Variants in NFASC observed in about 807,000 individuals in gnomAD.
NFASC encodes the protein neurofascin homolog.
Under a neutral mutation model 147.5 loss-of-function variants are expected in NFASC, and 43 were observed. That is an observed-to-expected ratio of 0.29 (90% confidence interval 0.23 to 0.38). The LOEUF (loss-of-function observed/expected upper bound fraction) is 0.38. NFASC is among the 10% of genes least tolerant of loss of function. The pLI is 1.00. For missense variants in NFASC, 1,320 were observed against 1,689.0 expected, an observed-to-expected ratio of 0.78 and a Z score of 3.83; for synonymous variants, 622 against 665.5, an observed-to-expected ratio of 0.93 and a Z score of 1.01.
At chr1:204,853,847 A>G (rs747257694) in intron 1 of NFASC, among the ~76,000 whole-genome samples, 1 of 152,164 alleles carries the variant, frequency 6.6e-6, no homozygotes. Flanking sequence ...GGGGCCAGCT[A>G]GGCACACCCC....
chr1:204,911,095 A>G (rs1156729042), intron 1 of NFASC, among the ~76,000 whole-genome samples: 1 of 152,208 alleles, frequency 6.6e-6, no homozygotes, highest in East Asian at 1.9e-4. Context: ...TTAAAAAATC[A>G]CACTGAAGAA....
chr1:204,912,740 T>A (rs2087928903), intron 1 of NFASC, among the ~76,000 whole-genome samples: 2 of 150,882 alleles, frequency 1.3e-5, no homozygotes, highest in African/African-American at 2.4e-5. Flanking sequence ...AATTGTGGTC[T>A]AGGCACAAAG....
intron 1 of NFASC, among the ~76,000 whole-genome samples, chr1:204,915,255 T>C (rs1010040250): frequency 6.6e-6 from 1 of 152,124 alleles, no homozygotes; most frequent in Non-Finnish European, 1.5e-5. Flanking sequence ...CACTCCAGCC[T>C]GGACAACAGA....
chr1:204,946,407 G>A (rs2093740927), intron 3 of NFASC: 1 of 465,668 alleles, frequency 2.1e-6, no homozygotes. Context: ...TGATGGAGAG[G>A]GAAGTCCTTC....
At chr1:205,000,881 T>G in intron 25 of NFASC, 1 of 481,612 alleles carries the variant, frequency 2.1e-6, no homozygotes, top group Non-Finnish European at 3.8e-6. Flanking sequence ...GCTACCTATG[T>G]GGACACAGTC....
Position 204,991,357 on chromosome 1 carries a change from G to A in NFASC, c.2782+51G>A, listed in dbSNP as rs906066169. ...GGGCATGGCATGGGGCAGCGCAGGC[G>A]GAGCCCAGCCCAGCCAGGGCGGACA... On this transcript the variant is annotated intron_variant, in intron 24 of 29. Coordinates refer to ENST00000339876, the MANE Select transcript of NFASC (RefSeq NM_001005388.3). The A allele has an allele frequency of 2.0e-5, 32 of 1,596,494 alleles. No homozygotes were observed. In the East Asian group the frequency reaches 3.6e-4, roughly 18 times the overall value.
intron 28 of NFASC, 185 bp from the exon 29 acceptor site, chr1:205,012,612 G>A (rs1229262942): frequency 1.3e-5 from 8 of 619,396 alleles, no homozygotes; most frequent in Non-Finnish European, 2.3e-5. Context: ...AGGAGGCAGA[G>A]TCAACTTGGC....
intron 1 of NFASC, among the ~76,000 whole-genome samples, chr1:204,831,918 A>G (rs1349525946): frequency 1.3e-5 from 2 of 152,192 alleles, no homozygotes; most frequent in Non-Finnish European, 2.9e-5. Context: ...GATAAGCTTG[A>G]GCAAGAGCAT....
chr1:205,009,774 A>G, intron 28 of NFASC, 86 bp downstream of exon 28: 2 of 1,416,314 alleles, frequency 1.4e-6, no homozygotes, highest in South Asian at 2.5e-5. Flanking sequence ...GATCCGGGGA[A>G]TGTGTTCTCT....
rs190388030 is a variant in NFASC at position 204,968,301 on chromosome 1, G to A, written c.759G>A (p.Ala253=). 84 of 1,614,164 alleles carry A rather than the reference G, an allele frequency of 5.2e-5. No homozygotes were observed. In the African/African-American group the frequency reaches 6.1e-4, roughly 12 times the overall value. ...TPSFMYPQGT[A]SSQMVLRGMD... is the part of the protein sequence containing the mutation. ...GCTTCATGTATCCCCAGGGCACCGC[G>A]AGCAGCCAGATGGTGCTTCGTGGCA... Residue 253 remains alanine (A), a synonymous_variant, in exon 9 of 30, where the codon GCG becomes GCA. Transcript: ENST00000339876. The surrounding 1 kb of genome is among the most constrained non-coding windows in gnomAD (Gnocchi z 5.4).
chr1:204,974,287 G>A lies in NFASC; in HGVS notation c.1388G>A (p.Arg463Gln), dbSNP rs763929139. The change falls in exon 13 of 30, where the codon CGA (arginine) becomes CAA (glutamine). Residue 463 changes from arginine (R) to glutamine (Q), a missense_variant. Physicochemically the swap from Arg to Gln is conservative, Grantham distance 43. This residue lies in a region of NFASC where 981 missense variants were observed against 1,289.5 expected (regional missense o/e 0.76). Coordinates refer to ENST00000339876, the MANE Select transcript of NFASC (RefSeq NM_001005388.3). ...PFFGSPIPTL[R>Q]WFKNGQGSNL... ...TTTGGGTCTCCCATCCCCACACTGC[G>A]ATGGTAAGTTCCAGGAGATCAGGCC... The A allele has an allele frequency of 4.3e-6, 7 of 1,612,096 alleles. No individual in the cohort carries two copies. Among genetic ancestry groups the A allele is most frequent in the Non-Finnish European group, 4.2e-6 (5 of 1,178,296 alleles).
At chr1:205,006,533 A>C (rs2096116144) in intron 27 of NFASC, among the ~76,000 whole-genome samples, 1 of 152,150 alleles carries the variant, frequency 6.6e-6, no homozygotes, top group Non-Finnish European at 1.5e-5. Context: ...GGCAGGATGC[A>C]CGGAAAGGAG....
At chr1:204,978,263 T>G (rs2095445705) in intron 17 of NFASC, among the ~76,000 whole-genome samples, 1 of 152,124 alleles carries the variant, frequency 6.6e-6, no homozygotes, top group African/African-American at 2.4e-5. Flanking sequence ...CCCGTACCAC[T>G]CAGTAGCCGA....
intron 1 of NFASC, among the ~76,000 whole-genome samples, chr1:204,842,990 G>T (rs869841): frequency 6.6e-6 from 1 of 152,094 alleles, no homozygotes; most frequent in Non-Finnish European, 1.5e-5. Flanking sequence ...GAGTGGGTCA[G>T]GGCTGGGTCA....
rs2095091327 is a variant in NFASC at position 204,968,736 on chromosome 1, T to C, written c.819-62T>C. The C allele has an allele frequency of 6.7e-7, 1 of 1,502,014 alleles. No individual in the cohort carries two copies. Among genetic ancestry groups the C allele is most frequent in the East Asian group, 2.3e-5 (1 of 42,876 alleles). The allele number at this position is 1,502,014 out of a possible 1,614,324, so 93.0% of individuals were successfully genotyped here. A position where few individuals can be genotyped will look rare whatever the true frequency, so the allele number is the denominator to read the frequency against. ...TAGGCCACCTGGGTGTCCCCAGCTG[T>C]ATAGAAGAGGAGAAAGGCCACGTTT... On this transcript the variant is annotated intron_variant, in intron 9 of 29. Coordinates refer to ENST00000339876, the MANE Select transcript of NFASC (RefSeq NM_001005388.3). The surrounding 1 kb of genome is among the most constrained non-coding windows in gnomAD (Gnocchi z 5.4).
Position 204,888,309 on chromosome 1 carries a change from TTTAG to T in NFASC, c.-199-32319_-199-32316del, listed in dbSNP as rs2081711743. 2.0e-5 allele frequency among the ~76,000 whole-genome samples: 3 copies of T among 152,336 alleles called. No homozygotes were observed. The South Asian group carries it at 6.2e-4, about 32-fold the overall frequency. Reference sequence around the variant, plus strand: ...TGCCAAAAGACAAAATTACAACAAATTTAGTTAAAGATCGAATTAGCTTTTATTT... The same window carrying T: ...TGCCAAAAGACAAAATTACAACAAATTTAAAGATCGAATTAGCTTTTATTT... On this transcript the variant is annotated intron_variant, in intron 1 of 29. Transcript: ENST00000339876.
In NFASC at chr1:204,986,013, G is replaced by T; in HGVS notation, c.2471-1405G>T. 6.2e-7 allele frequency: 1 copy of T among 1,613,940 alleles called. No homozygotes were observed. Among genetic ancestry groups the T allele is most frequent in the Non-Finnish European group, 8.5e-7 (1 of 1,179,842 alleles). ...GACCGCCTCCGTGGCGTGGTGTCCCGCCTCTTCCCCTACAGTAACTACAAG... is the reference window on the plus strand; with the variant it reads ...GACCGCCTCCGTGGCGTGGTGTCCCTCCTCTTCCCCTACAGTAACTACAAG... On this transcript the variant is annotated intron_variant, in intron 21 of 29. Transcript: ENST00000339876. This position sits in a 1 kb window ranked among gnomAD's most constrained non-coding sequence, Gnocchi z 4.2.
At chr1:204,982,074 G>A (rs914343005) in intron 21 of NFASC, 54 bp downstream of exon 21, 78 of 1,247,272 alleles carry the variant, frequency 6.3e-5, no homozygotes, top group Middle Eastern at 1.9e-4. Flanking sequence ...TAGGTCGCAC[G>A]AGGCCACGCT....
Position 205,015,005 on chromosome 1 carries a change from T to C in NFASC, c.3492-1303T>C, listed in dbSNP as rs2096323814. Among the ~76,000 whole-genome samples the C allele has an allele frequency of 6.6e-6, 1 of 151,948 alleles. No homozygotes were observed. The highest frequency in any genetic ancestry group is 6.5e-5 in the Admixed American group (1 of 15,270). Reference sequence around the variant, plus strand: ...TCCCAACCCACGGCTGTCCCACGAATACAGTTAGGCTGTATTCGTGGGGCA... The same window carrying C: ...TCCCAACCCACGGCTGTCCCACGAACACAGTTAGGCTGTATTCGTGGGGCA... On this transcript the variant is annotated intron_variant, in intron 29 of 29. Transcript: ENST00000339876. The surrounding 1 kb of genome is among the most constrained non-coding windows in gnomAD (Gnocchi z 4.0).
Sources: allele counts gnomAD v4.1 joint callset (sites outside exome capture counted in the v4.1 genomes callset), GRCh38; gene constraint gnomAD v4.1.1; regional missense constraint gnomAD v4.1.1; non-coding constraint Gnocchi (gnomAD v3.1); transcripts MANE v1.5; gene names NCBI Gene and HGNC (gene_info 2026-07-23, HGNC 2026-07-21).